The following DMRT1 variants were observed in gnomAD, a reference collection of about 807,000 sequenced individuals.
The protein encoded by DMRT1 is doublesex and mab-3 related transcription factor 1, also known as doublesex- and mab-3-related transcription factor 1.
DMRT1 carries 7 observed loss-of-function variants against 32.3 expected under a neutral mutation model. The observed-to-expected ratio is 0.22, with a 90% CI of 0.12 to 0.41. The LOEUF is 0.41. DMRT1 is among the 10% of genes least tolerant of loss of function. DMRT1 has a pLI of 1.00. For missense variants in DMRT1, 625 were observed against 500.5 expected (o/e 1.25, Z -2.37); for synonymous variants, 278 against 206.1 (o/e 1.35, Z -2.99).
chr9:960,036 G>A (rs924942697), intron 4 of DMRT1, among the ~76,000 whole-genome samples: 2 of 152,174 alleles, frequency 1.3e-5, no homozygotes, highest in Non-Finnish European at 2.9e-5. Flanking sequence ...ATTTACCCGA[G>A]GTTTGTCTTT....
chr9:961,338 G>A (rs1169208620), intron 4 of DMRT1, among the ~76,000 whole-genome samples: 1 of 152,182 alleles, frequency 6.6e-6, no homozygotes, highest in African/African-American at 2.4e-5. Flanking sequence ...GAACAGATGA[G>A]ACCCGTACTT....
At chr9:950,850 T>A (rs1331782273) in intron 4 of DMRT1, among the ~76,000 whole-genome samples, 1 of 152,232 alleles carries the variant, frequency 6.6e-6, no homozygotes, top group Admixed American at 6.5e-5. Flanking sequence ...GCTTTCTGTC[T>A]TTTTCTATCA....
At chr9:908,587 T>C (rs1430481596) in intron 3 of DMRT1, among the ~76,000 whole-genome samples, 4 of 152,216 alleles carry the variant, frequency 2.6e-5, no homozygotes, top group Non-Finnish European at 5.9e-5. Flanking sequence ...ATGTGAGTTG[T>C]TTGTTTTTTT....
At chr9:858,870 A>AAAAAAATATAT (rs1815525305) in intron 2 of DMRT1, among the ~76,000 whole-genome samples, 2 of 48,074 alleles carry the variant, frequency 4.2e-5, no homozygotes, top group African/African-American at 1.7e-4. Context: ...AAAAAAAAAA[A>AAAAAAATATAT]ATATATATAT....
At chr9:950,098 T>C (rs115816541) in intron 4 of DMRT1, among the ~76,000 whole-genome samples, 2,030 of 152,114 alleles carry the variant, frequency 0.013, 33 homozygotes, top group African/African-American at 0.045. Context: ...TCTTGGATCA[T>C]ACAGTAGTTT....
intron 4 of DMRT1, among the ~76,000 whole-genome samples, chr9:945,239 T>C (rs1320441329): frequency 1.3e-5 from 2 of 152,154 alleles, no homozygotes; most frequent in African/African-American, 4.8e-5. Context: ...CTGCAACCTC[T>C]GCCTCCCAGG....
At chr9:868,738 G>A (rs1255349084) in intron 2 of DMRT1, among the ~76,000 whole-genome samples, 2 of 152,190 alleles carry the variant, frequency 1.3e-5, no homozygotes, top group African/African-American at 2.4e-5. Flanking sequence ...GGCTGGGCAC[G>A]TTGGCTCATG....
chr9:849,156 A>T (rs1839034728), intron 2 of DMRT1, among the ~76,000 whole-genome samples: 1 of 152,044 alleles, frequency 6.6e-6, no homozygotes, highest in South Asian at 2.1e-4. Flanking sequence ...TGGTAAGGAG[A>T]CTGCCACAGA....
chr9:856,675 A>G (rs111878879), intron 2 of DMRT1, among the ~76,000 whole-genome samples: 34 of 152,310 alleles, frequency 2.2e-4, no homozygotes, highest in African/African-American at 7.5e-4. Context: ...GGTTTTGGCT[A>G]TTATGAGTAA....
At chr9:918,403 A>T (rs1818250047) in intron 4 of DMRT1, among the ~76,000 whole-genome samples, 1 of 152,234 alleles carries the variant, frequency 6.6e-6, no homozygotes, top group South Asian at 2.1e-4. Flanking sequence ...GCAAGGCAGT[A>T]AGACAAAAAT....
At chr9:883,823 C>T (rs538252807) in intron 2 of DMRT1, among the ~76,000 whole-genome samples, 7 of 151,680 alleles carry the variant, frequency 4.6e-5, no homozygotes, top group South Asian at 2.1e-4. Flanking sequence ...AAACAACTTA[C>T]GCTTTTGCTA....
intron 2 of DMRT1, among the ~76,000 whole-genome samples, chr9:861,685 GA>G (rs1287990756): frequency 3.3e-5 from 5 of 151,106 alleles, no homozygotes; most frequent in Admixed American, 3.3e-4. Flanking sequence ...AAGCCGGGCA[GA>G]GGGGCCCCCC....
intron 2 of DMRT1, among the ~76,000 whole-genome samples, chr9:852,826 G>T (rs1564197084): frequency 6.6e-6 from 1 of 152,174 alleles, no homozygotes; most frequent in Non-Finnish European, 1.5e-5. Context: ...CCTGTTAGAA[G>T]GATCAGTCAG....
chr9:926,188 G>C (rs1307077132), intron 4 of DMRT1, among the ~76,000 whole-genome samples: 1 of 152,116 alleles, frequency 6.6e-6, no homozygotes, highest in Non-Finnish European at 1.5e-5. Context: ...TCTTTACATT[G>C]CTATTCCCAA....
intron 4 of DMRT1, among the ~76,000 whole-genome samples, chr9:930,416 A>T (rs569011977): frequency 0.017 from 2,490 of 145,576 alleles, 26 homozygotes; most frequent in African/African-American, 0.036. Flanking sequence ...TATTAAAAAA[A>T]TTTTTTTTTT....
intron 4 of DMRT1, among the ~76,000 whole-genome samples, chr9:920,725 G>A (rs920509901): frequency 1.3e-5 from 2 of 152,156 alleles, no homozygotes; most frequent in Admixed American, 1.3e-4. Context: ...TGATGAGGGC[G>A]ATCCCAATAG....
At chr9:905,553 A>C (rs1817744498) in intron 3 of DMRT1, among the ~76,000 whole-genome samples, 1 of 150,882 alleles carries the variant, frequency 6.6e-6, no homozygotes, top group Non-Finnish European at 1.5e-5. Flanking sequence ...TATGTACTTA[A>C]AATCACCTTT....
intron 4 of DMRT1, among the ~76,000 whole-genome samples, chr9:925,541 C>G (rs750224630): frequency 2.0e-5 from 3 of 152,230 alleles, no homozygotes; most frequent in Non-Finnish European, 4.4e-5. Flanking sequence ...GTGACTTCCT[C>G]TAAGCCTTGT....
intron 3 of DMRT1, among the ~76,000 whole-genome samples, chr9:911,962 T>A (rs945437995): frequency 6.6e-6 from 1 of 152,138 alleles, no homozygotes; most frequent in Non-Finnish European, 1.5e-5. Context: ...CATGTACTAG[T>A]CTGTTCTCAC....
Sources: allele counts gnomAD v4.1 joint callset (sites outside exome capture counted in the v4.1 genomes callset), GRCh38; gene constraint gnomAD v4.1.1; transcripts MANE v1.5; gene names NCBI Gene and HGNC (gene_info 2026-07-23, HGNC 2026-07-21).